Variants in CNTN1 observed in about 807,000 individuals in gnomAD.
CNTN1 encodes contactin 1, also known as contactin-1.
Under a neutral mutation model 126.4 loss-of-function variants are expected in CNTN1, and 38 were observed. The observed-to-expected ratio is 0.30, with a 90% confidence interval of 0.23 to 0.39. CNTN1 has a LOEUF of 0.39. CNTN1 is among the 10% of genes least tolerant of loss of function. The pLI is 1.00. For synonymous variants in CNTN1, 413 were observed against 422.6 expected, an observed-to-expected ratio of 0.98 and a Z score of 0.28; for missense variants, 1,009 against 1,248.4, an observed-to-expected ratio of 0.81 and a Z score of 2.89.
At chr12:40,987,207 A>G (rs1182959592) in intron 16 of CNTN1, among the ~76,000 whole-genome samples, 1 of 152,354 alleles carries the variant, frequency 6.6e-6, no homozygotes, top group Admixed American at 6.5e-5. Context: ...AAACAAAGGT[A>G]CAGGATTAAA....
At chr12:40,983,855 A>ATATGCTATTATAGCATATTTTATTT (rs757373236) in intron 16 of CNTN1, among the ~76,000 whole-genome samples, 8 of 139,300 alleles carry the variant, frequency 5.7e-5, no homozygotes, top group Non-Finnish European at 1.1e-4. Flanking sequence ...ATATTTTATT[A>ATATGCTATTATAGCATATTTTATTT]TATGCTATTA....
chr12:40,846,623 C>T (rs529586633), intron 1 of CNTN1, among the ~76,000 whole-genome samples: 3 of 152,282 alleles, frequency 2.0e-5, no homozygotes, highest in East Asian at 1.9e-4. Context: ...ACTAAGGAGA[C>T]TTTGGGAGAG....
chr12:40,779,956 A>AG (rs1260900526), intron 1 of CNTN1, among the ~76,000 whole-genome samples: 2 of 151,908 alleles, frequency 1.3e-5, no homozygotes, highest in Non-Finnish European at 2.9e-5. Context: ...CTCCCCAAAC[A>AG]GGTGTCATTC....
At chr12:41,051,278 G>A (rs1949673628) in intron 23 of CNTN1, among the ~76,000 whole-genome samples, 1 of 150,830 alleles carries the variant, frequency 6.6e-6, no homozygotes, top group Admixed American at 6.6e-5. Context: ...CTCCCAAGTA[G>A]CTGGGACTAC....
chr12:40,938,434 C>T (rs2136934875), intron 11 of CNTN1, among the ~76,000 whole-genome samples: 1 of 152,242 alleles, frequency 6.6e-6, no homozygotes, highest in East Asian at 1.9e-4. Context: ...ACAGATGATG[C>T]TCAGTAATTG....
At chr12:40,719,149 A>C (rs904112484) in intron 1 of CNTN1, among the ~76,000 whole-genome samples, 1 of 152,228 alleles carries the variant, frequency 6.6e-6, no homozygotes, top group East Asian at 1.9e-4. Flanking sequence ...TTCAGTTAGA[A>C]ATAATGTGCT....
chr12:40,871,062 C>A (rs1281128421), intron 1 of CNTN1, among the ~76,000 whole-genome samples: 4 of 152,016 alleles, frequency 2.6e-5, no homozygotes, highest in Admixed American at 1.3e-4. Context: ...GTCTCACAAC[C>A]TTTTATTCCC....
chr12:40,713,647 A>G (rs971695704), intron 1 of CNTN1, among the ~76,000 whole-genome samples: 1 of 152,054 alleles, frequency 6.6e-6, no homozygotes, highest in African/African-American at 2.4e-5. Flanking sequence ...AGTTGGCTGT[A>G]GATGTAATAT....
chr12:40,716,753 G>T (rs914694849), intron 1 of CNTN1, among the ~76,000 whole-genome samples: 1 of 152,186 alleles, frequency 6.6e-6, no homozygotes, highest in South Asian at 2.1e-4. Flanking sequence ...GGGACAAGAT[G>T]AGGGTAAACC....
intron 1 of CNTN1, among the ~76,000 whole-genome samples, chr12:40,695,441 C>T (rs538441380): frequency 6.6e-6 from 1 of 152,184 alleles, no homozygotes; most frequent in Admixed American, 6.5e-5. Flanking sequence ...TATCTTGTGT[C>T]CCTTGAGACC....
chr12:40,960,034 G>C (rs142825164), intron 15 of CNTN1, among the ~76,000 whole-genome samples: 21 of 152,024 alleles, frequency 1.4e-4, no homozygotes, highest in Admixed American at 5.9e-4. Context: ...TTTTTCTCAT[G>C]ATTTGTTGAC....
chr12:40,892,966 A>C, intron 1 of CNTN1, among the ~76,000 whole-genome samples: 1 of 137,654 alleles, frequency 7.3e-6, no homozygotes, highest in Non-Finnish European at 1.5e-5. Flanking sequence ...GGGGGGGGTG[A>C]ATAAACAAAT....
At chr12:40,870,970 G>A (rs938380832) in intron 1 of CNTN1, among the ~76,000 whole-genome samples, 18 of 152,066 alleles carry the variant, frequency 1.2e-4, no homozygotes, top group South Asian at 2.1e-4. Flanking sequence ...CCTCCTTGAA[G>A]CATACCTGAA....
At chr12:40,893,110 G>A (rs1213549905) in intron 1 of CNTN1, among the ~76,000 whole-genome samples, 1 of 151,928 alleles carries the variant, frequency 6.6e-6, no homozygotes, top group Non-Finnish European at 1.5e-5. Context: ...ATGTAAGTAA[G>A]TATATCACCT....
At chr12:40,760,457 C>G (rs777678774) in intron 1 of CNTN1, among the ~76,000 whole-genome samples, 1 of 151,740 alleles carries the variant, frequency 6.6e-6, no homozygotes, top group Non-Finnish European at 1.5e-5. Context: ...TTATTATTGA[C>G]AGCAGTTAAT....
intron 14 of CNTN1, among the ~76,000 whole-genome samples, chr12:40,949,555 CT>C (rs1438289682): frequency 8.9e-6 from 1 of 112,182 alleles, no homozygotes; most frequent in Non-Finnish European, 1.9e-5. Flanking sequence ...GGGTTTTCTT[CT>C]TTTCTTTTCT....
intron 11 of CNTN1, 128 bp from the exon 12 acceptor site, chr12:40,939,207 C>A: frequency 1.0e-6 from 1 of 985,618 alleles, no homozygotes; most frequent in Non-Finnish European, 1.5e-6. Context: ...TTGGTGACAG[C>A]TGATCATATT....
intron 1 of CNTN1, among the ~76,000 whole-genome samples, chr12:40,713,550 A>G (rs1421718478): frequency 6.6e-6 from 1 of 151,784 alleles, no homozygotes; most frequent in East Asian, 1.9e-4. Flanking sequence ...TCATGGGTTG[A>G]TTTTTCTATT....
rs75169235 is a variant in CNTN1, at chr12:41,009,279, C to G, written c.2114-4949C>G. Among the ~76,000 whole-genome samples, 15 of 152,264 alleles carry G rather than the reference C, an allele frequency of 9.9e-5. No homozygotes were observed. The South Asian group carries it at 1.0e-3, about 11-fold the overall frequency. On this transcript the variant is annotated intron_variant, in intron 17 of 23. Transcript: ENST00000551295. ...ATAGTAGGGCTTGATATTTAAGGAG[C>G]CTGCTGTCTGTTAACCAAAGGCTTT...
Sources: allele counts gnomAD v4.1 joint callset (sites outside exome capture counted in the v4.1 genomes callset), GRCh38; gene constraint gnomAD v4.1.1; transcripts MANE v1.5; gene names NCBI Gene and HGNC (gene_info 2026-07-23, HGNC 2026-07-21).